The following BTBD9 variants were observed in gnomAD, a reference collection of about 807,000 sequenced individuals.
BTBD9 encodes BTB domain containing 9.
BTBD9 carries 49 observed loss-of-function variants against 64.3 expected under a neutral mutation model. The observed-to-expected ratio is 0.76, with a 90% CI of 0.61 to 0.97. The LOEUF is 0.97. BTBD9 is among the 50% of genes least tolerant of loss of function. The pLI, the probability that BTBD9 is intolerant of heterozygous loss-of-function variation, is 0.00. For synonymous variants in BTBD9, 260 were observed against 274.7 expected (o/e 0.95, Z 0.53); for missense variants, 598 against 762.1 (o/e 0.78, Z 2.53).
chr6:38,513,447 CAA>C (rs201446893), intron 6 of BTBD9, among the ~76,000 whole-genome samples: 2 of 125,432 alleles, frequency 1.6e-5, no homozygotes, highest in Admixed American at 8.2e-5. Flanking sequence ...GACTCTGTCT[CAA>C]AAAAAAAAAA....
intron 6 of BTBD9, among the ~76,000 whole-genome samples, chr6:38,393,386 G>C (rs1766524808): frequency 6.6e-6 from 1 of 152,166 alleles, no homozygotes; most frequent in Non-Finnish European, 1.5e-5. Flanking sequence ...AGCAGAGCCA[G>C]AAGAGAACTG....
At chr6:38,182,863 T>C (rs746053777) in intron 10 of BTBD9, among the ~76,000 whole-genome samples, 2 of 152,218 alleles carry the variant, frequency 1.3e-5, no homozygotes, top group African/African-American at 4.8e-5. Context: ...GGTCTAAGGA[T>C]TGTGCAGTGT....
At chr6:38,445,822 G>A (rs1170758621) in intron 6 of BTBD9, among the ~76,000 whole-genome samples, 1 of 152,200 alleles carries the variant, frequency 6.6e-6, no homozygotes, top group Non-Finnish European at 1.5e-5. Flanking sequence ...AATCTGGCAA[G>A]ATGAGTATGG....
chr6:38,561,498 T>G (rs1007993784), intron 6 of BTBD9, among the ~76,000 whole-genome samples: 7 of 152,220 alleles, frequency 4.6e-5, no homozygotes, highest in South Asian at 2.1e-4. Context: ...TGAACTCATA[T>G]GTTCATTGCA....
chr6:38,282,882 CTAAA>C (rs966240525), intron 8 of BTBD9, among the ~76,000 whole-genome samples: 18 of 151,606 alleles, frequency 1.2e-4, no homozygotes, highest in African/African-American at 4.1e-4. Flanking sequence ...CATGGCACTT[CTAAA>C]TATCAGCCAT....
chr6:38,515,841 C>A (rs1773002334), intron 6 of BTBD9, among the ~76,000 whole-genome samples: 1 of 152,112 alleles, frequency 6.6e-6, no homozygotes, highest in South Asian at 2.1e-4. Flanking sequence ...ACTTGACGCA[C>A]CAAAAATTAA....
intron 9 of BTBD9, among the ~76,000 whole-genome samples, chr6:38,198,371 G>A (rs1047129424): frequency 4.6e-5 from 7 of 152,166 alleles, no homozygotes; most frequent in African/African-American, 1.4e-4. Flanking sequence ...GAGAGCCACC[G>A]GATGGGAGGA....
chr6:38,603,759 A>G (rs114266917), intron 1 of BTBD9, among the ~76,000 whole-genome samples: 31 of 152,300 alleles, frequency 2.0e-4, no homozygotes, highest in Middle Eastern at 3.4e-3. Context: ...AAAAGCCTTT[A>G]CGGGAAAAAA....
intron 6 of BTBD9, among the ~76,000 whole-genome samples, chr6:38,476,200 C>A (rs1483969826): frequency 2.0e-5 from 3 of 152,160 alleles, no homozygotes; most frequent in Non-Finnish European, 4.4e-5. Flanking sequence ...TTCAAGGCAG[C>A]ACAGCACAAA....
At position 38,546,066 on chromosome 6, in the gene BTBD9, C is replaced by G. The variant is rs185645119; in HGVS notation, c.1154+31534G>C. On this transcript the variant is annotated intron_variant, in intron 6 of 10. Transcript: ENST00000481247. ...TCCAATTCTCTATATATTCTGAAGG[C>G]AGGGCCCCTAGGATTTGCTGATGGA... 1.6e-4 allele frequency among the ~76,000 whole-genome samples: 25 copies of G among 152,208 alleles called. No individual in the cohort carries two copies. In the East Asian group the frequency reaches 4.3e-3, roughly 26 times the overall value.
At chr6:38,562,167 C>A (rs1775290827) in intron 6 of BTBD9, among the ~76,000 whole-genome samples, 1 of 152,168 alleles carries the variant, frequency 6.6e-6, no homozygotes, top group Non-Finnish European at 1.5e-5. Context: ...TTGAAGATAG[C>A]ACAGGAAAAT....
In BTBD9 at chr6:38,256,535, A is replaced by AT. The variant is rs1764586017; in HGVS notation, c.1455-20dup. ...TAGTAACCTGAACAAAGGGAAAAAC[A>AT]TAAGATTGCTGTAAATGTTTTAACT... On this transcript the variant is annotated intron_variant, in intron 8 of 10. Transcript: ENST00000481247. The AT allele has an allele frequency of 2.6e-6, 4 of 1,541,928 alleles. No homozygotes were observed. In the East Asian group the frequency reaches 9.0e-5, roughly 35 times the overall value.
chr6:38,281,464 G>A (rs545240918), intron 8 of BTBD9, among the ~76,000 whole-genome samples: 1 of 152,136 alleles, frequency 6.6e-6, no homozygotes, highest in South Asian at 2.1e-4. Flanking sequence ...GGATCAACTT[G>A]CTATTACTTC....
intron 10 of BTBD9, among the ~76,000 whole-genome samples, chr6:38,177,178 C>G (rs566051663): frequency 6.6e-6 from 1 of 152,146 alleles, no homozygotes; most frequent in Non-Finnish European, 1.5e-5. Flanking sequence ...CTCCGGAGGC[C>G]GCTCCCCAGA....
intron 7 of BTBD9, among the ~76,000 whole-genome samples, chr6:38,298,681 C>T (rs1196883489): frequency 6.6e-6 from 1 of 152,100 alleles, no homozygotes; most frequent in Non-Finnish European, 1.5e-5. Flanking sequence ...ACACACAAAA[C>T]CTTCCCAGCC....
At chr6:38,211,577 T>C (rs1382033888) in intron 9 of BTBD9, among the ~76,000 whole-genome samples, 1 of 152,076 alleles carries the variant, frequency 6.6e-6, no homozygotes, top group East Asian at 1.9e-4. Context: ...AGCCCATCTC[T>C]ACTAAAAAAT....
At chr6:38,478,205 C>A (rs1280100564) in intron 6 of BTBD9, among the ~76,000 whole-genome samples, 4 of 152,048 alleles carry the variant, frequency 2.6e-5, no homozygotes, top group African/African-American at 9.7e-5. Context: ...TGATTACGTG[C>A]GTATATATGT....
At chr6:38,557,513 T>G (rs1775082263) in intron 6 of BTBD9, among the ~76,000 whole-genome samples, 2 of 152,360 alleles carry the variant, frequency 1.3e-5, no homozygotes, top group Admixed American at 1.3e-4. Flanking sequence ...ACTTATTTCC[T>G]GGGTAAGACC....
Position 38,344,983 on chromosome 6 carries a change from C to T in BTBD9, c.1264+1G>A. On this transcript the variant is annotated splice_donor_variant, in intron 7 of 10. Coordinates refer to ENST00000481247, the MANE Select transcript of BTBD9 (RefSeq NM_001099272.2). LOFTEE classifies it high-confidence loss of function. ...TACAAAAATCTAATGGTAATACTTA[C>T]CTATCAGCCCCTTCTCAAGAGTGAA... 5 of 1,566,478 alleles carry T rather than the reference C, an allele frequency of 3.2e-6. No homozygotes were observed. The highest frequency in any genetic ancestry group is 2.2e-5 in the East Asian group (1 of 44,482).
Sources: allele counts gnomAD v4.1 joint callset (sites outside exome capture counted in the v4.1 genomes callset), GRCh38; gene constraint gnomAD v4.1.1; transcripts MANE v1.5; gene names NCBI Gene and HGNC (gene_info 2026-07-23, HGNC 2026-07-21).